KCNT2: variants seen among roughly 807,000 people sequenced by gnomAD.
KCNT2 encodes the protein potassium sodium-activated channel subfamily T member 2.
Under a neutral mutation model 153.8 loss-of-function variants are expected in KCNT2, and 67 were observed. The observed-to-expected ratio is 0.44, with a 90% CI of 0.36 to 0.53. The LOEUF (loss-of-function observed/expected upper bound fraction) is 0.53, where lower values mean the gene tolerates loss of function less well. KCNT2 is among the 20% of genes least tolerant of loss of function. The pLI is 0.00. For missense variants in KCNT2, 975 were observed against 1,354.8 expected (o/e 0.72, Z 4.40); for synonymous variants, 500 against 458.8 (o/e 1.09, Z -1.15).
intron 1 of KCNT2, among the ~76,000 whole-genome samples, chr1:196,556,309 T>C (rs1185588125): frequency 6.6e-6 from 1 of 151,240 alleles, no homozygotes; most frequent in Non-Finnish European, 1.5e-5. Context: ...AGGAAAACCA[T>C]CTAATAATTC....
intron 14 of KCNT2, among the ~76,000 whole-genome samples, 192 bp from the exon 15 acceptor site, chr1:196,342,420 CTATATATATATATATATATATATATATG>C (rs1210301143): frequency 7.5e-6 from 1 of 132,756 alleles, no homozygotes. Context: ...ATTTTGAATA[CTATATATATATATATATATATATATATG>C]TATATATATA....
At chr1:196,250,366 C>T (rs1445017257) in intron 26 of KCNT2, among the ~76,000 whole-genome samples, 1 of 151,964 alleles carries the variant, frequency 6.6e-6, no homozygotes, top group Non-Finnish European at 1.5e-5. Context: ...CACAAAGGTG[C>T]CAAGAACATA....
intron 1 of KCNT2, among the ~76,000 whole-genome samples, chr1:196,547,104 A>G (rs190639030): frequency 7.2e-5 from 11 of 152,138 alleles, no homozygotes; most frequent in Admixed American, 4.6e-4. Flanking sequence ...ACGTATTTTC[A>G]TAAGCATGCA....
At chr1:196,510,834 T>C (rs892573961) in intron 1 of KCNT2, among the ~76,000 whole-genome samples, 1 of 152,184 alleles carries the variant, frequency 6.6e-6, no homozygotes, top group African/African-American at 2.4e-5. Flanking sequence ...TGTATCAGTG[T>C]CCACTTCTAG....
intron 22 of KCNT2, 82 bp from the exon 23 acceptor site, chr1:196,285,840 C>T (rs2477360): frequency 1 from 767,851 of 769,632 alleles, 383,062 homozygotes; most frequent in East Asian, 1. Flanking sequence ...TGTTGACATA[C>T]GTAAAAAGTT....
At chr1:196,297,106 A>G (rs1558115429) in intron 22 of KCNT2, among the ~76,000 whole-genome samples, 2 of 151,154 alleles carry the variant, frequency 1.3e-5, no homozygotes, top group Admixed American at 6.6e-5. Flanking sequence ...AAATTATGCA[A>G]TCTCTCTCTC....
At chr1:196,406,184 A>G (rs1043089460) in intron 12 of KCNT2, among the ~76,000 whole-genome samples, 6 of 151,486 alleles carry the variant, frequency 4.0e-5, no homozygotes, top group Non-Finnish European at 5.9e-5. Flanking sequence ...CATATATCTG[A>G]TAATATCAAA....
chr1:196,248,328 GA>G (rs1655637272), intron 26 of KCNT2, among the ~76,000 whole-genome samples: 3 of 150,846 alleles, frequency 2.0e-5, no homozygotes, highest in South Asian at 2.1e-4. Flanking sequence ...TTGAAATGAA[GA>G]AAAAAATACA....
At chr1:196,405,137 A>T (rs1671723554) in intron 12 of KCNT2, among the ~76,000 whole-genome samples, 1 of 151,660 alleles carries the variant, frequency 6.6e-6, no homozygotes, top group African/African-American at 2.4e-5. Context: ...AGATAATTAA[A>T]CTAACAAAGA....
At chr1:196,369,433 T>C (rs1479446423) in intron 14 of KCNT2, among the ~76,000 whole-genome samples, 1 of 152,076 alleles carries the variant, frequency 6.6e-6, no homozygotes, top group Non-Finnish European at 1.5e-5. Flanking sequence ...CACTAACTCG[T>C]CATCTAGCAT....
chr1:196,429,225 G>T (rs546394979), intron 9 of KCNT2, among the ~76,000 whole-genome samples: 64 of 151,828 alleles, frequency 4.2e-4, no homozygotes, highest in Admixed American at 1.1e-3. Flanking sequence ...AGAACCAAGA[G>T]AAATCAACCC....
intron 13 of KCNT2, among the ~76,000 whole-genome samples, chr1:196,393,409 G>A (rs1194189488): frequency 6.6e-6 from 1 of 151,496 alleles, no homozygotes; most frequent in Non-Finnish European, 1.5e-5. Context: ...CTTAAAACAT[G>A]AATTCACCTC....
At chr1:196,257,120 G>C in intron 26 of KCNT2, 1 of 519,722 alleles carries the variant, frequency 1.9e-6, no homozygotes, top group Non-Finnish European at 2.5e-6. Context: ...ACTTCTGAAA[G>C]TCAAAATTCT....
chr1:196,558,715 T>A (rs1454541905), intron 1 of KCNT2, among the ~76,000 whole-genome samples: 1 of 151,596 alleles, frequency 6.6e-6, no homozygotes, highest in Non-Finnish European at 1.5e-5. Context: ...GGATTCTATT[T>A]ATTACTCTTT....
At chr1:196,449,874 G>C (rs182668288) in intron 8 of KCNT2, among the ~76,000 whole-genome samples, 6 of 151,740 alleles carry the variant, frequency 4.0e-5, no homozygotes, top group Admixed American at 2.6e-4. Flanking sequence ...GTTTTAAAAA[G>C]ATGTATGAAT....
intron 13 of KCNT2, among the ~76,000 whole-genome samples, chr1:196,385,865 T>C (rs187710007): frequency 6.6e-6 from 1 of 152,100 alleles, no homozygotes; most frequent in Admixed American, 6.6e-5. Context: ...CCTCCAGGAT[T>C]GCCCCAAATA....
rs78435755 is a variant in KCNT2, at chr1:196,344,646, A to G, written c.1404-2418T>C. On this transcript the variant is annotated intron_variant, in intron 14 of 27. Transcript: ENST00000294725. The stretch of plus-strand genomic sequence containing the variant: ...TCCAAAAGCCAGCATGAGGTCAACT[A>G]ATTGTCATGCAAGGGTACTAAAAGC... 3.7e-3 allele frequency among the ~76,000 whole-genome samples: 567 copies of G among 152,296 alleles called. 3 individuals are homozygous for G. Among genetic ancestry groups the G allele is most frequent in the African/African-American group, 0.013 (530 of 41,566 alleles).
intron 24 of KCNT2, 103 bp from the exon 25 acceptor site, chr1:196,281,091 C>G: frequency 4.8e-6 from 4 of 834,266 alleles, no homozygotes; most frequent in Non-Finnish European, 7.6e-6. Flanking sequence ...GGGGCAGGGT[C>G]TCACTCTGTC....
At chr1:196,264,449 T>C (rs1657325764) in intron 25 of KCNT2, among the ~76,000 whole-genome samples, 1 of 152,054 alleles carries the variant, frequency 6.6e-6, no homozygotes, top group Non-Finnish European at 1.5e-5. Context: ...TATGGAGACA[T>C]TCATTTACCA....
Sources: gnomAD v4.1 joint callset for allele counts (sites outside exome capture counted in the v4.1 genomes callset) on GRCh38, gnomAD v4.1.1 for gene constraint, MANE v1.5 for transcripts, NCBI Gene and HGNC (gene_info 2026-07-23, HGNC 2026-07-21) for gene names.